GRIA4: variants seen among roughly 807,000 people sequenced by gnomAD.
The protein encoded by GRIA4 is glutamate ionotropic receptor AMPA type subunit 4, also known as glutamate receptor 4.
Under a neutral mutation model 104.0 loss-of-function variants are expected in GRIA4, and 34 were observed. The observed-to-expected ratio is 0.33, with a 90% CI of 0.25 to 0.44. The LOEUF is 0.44. Ranked by LOEUF, GRIA4 falls within the 20% of genes least tolerant of loss-of-function variation. The pLI, the probability that GRIA4 is intolerant of heterozygous loss-of-function variation, is 1.00. For missense variants in GRIA4, 750 were observed against 1,096.5 expected, an observed-to-expected ratio of 0.68 and a Z score of 4.46; for synonymous variants, 386 against 381.9, an observed-to-expected ratio of 1.01 and a Z score of -0.13.
intron 4 of GRIA4, among the ~76,000 whole-genome samples, chr11:105,776,148 G>A (rs1370635192): frequency 6.6e-6 from 1 of 151,910 alleles, no homozygotes; most frequent in African/African-American, 2.4e-5. Context: ...AGAGGCTAGG[G>A]GAGTTGCTAC....
At chr11:105,974,572 C>T (rs775018499) in intron 16 of GRIA4, 128 bp downstream of exon 16, 6 of 1,608,062 alleles carry the variant, frequency 3.7e-6, no homozygotes, top group East Asian at 4.5e-5. Context: ...GACTTAGGCC[C>T]GACTACAGTG....
chr11:105,624,871 T>A (rs1950845816), intron 3 of GRIA4, among the ~76,000 whole-genome samples: 1 of 152,146 alleles, frequency 6.6e-6, no homozygotes, highest in Admixed American at 6.6e-5. Context: ...TCATTGGTTT[T>A]ACATCTTTGA....
intron 4 of GRIA4, among the ~76,000 whole-genome samples, chr11:105,823,517 T>C (rs1404286764): frequency 3.3e-5 from 5 of 152,038 alleles, no homozygotes; most frequent in Non-Finnish European, 7.4e-5. Flanking sequence ...TTTTGCAGAA[T>C]TGAGTGGATA....
At chr11:105,757,316 G>A (rs571451709) in intron 4 of GRIA4, among the ~76,000 whole-genome samples, 26 of 152,170 alleles carry the variant, frequency 1.7e-4, no homozygotes, top group Admixed American at 4.6e-4. Context: ...CCACTGTCCC[G>A]CATTACAGAG....
intron 4 of GRIA4, among the ~76,000 whole-genome samples, chr11:105,793,264 C>A (rs1321543086): frequency 1.3e-5 from 2 of 152,136 alleles, no homozygotes; most frequent in Admixed American, 1.3e-4. Context: ...CACAAGTCTG[C>A]ACCATTTCCC....
chr11:105,919,358 C>A (rs1050990503), intron 11 of GRIA4, among the ~76,000 whole-genome samples: 5 of 152,066 alleles, frequency 3.3e-5, no homozygotes, highest in African/African-American at 9.7e-5. Flanking sequence ...TCATAGATAT[C>A]TTTTAAGTAA....
At chr11:105,695,719 C>T (rs1322003093) in intron 3 of GRIA4, among the ~76,000 whole-genome samples, 1 of 152,086 alleles carries the variant, frequency 6.6e-6, no homozygotes, top group Non-Finnish European at 1.5e-5. Flanking sequence ...TTGCTAAATG[C>T]CTGCTTCTTT....
At chr11:105,937,294 T>C (rs1437837925) in intron 14 of GRIA4, among the ~76,000 whole-genome samples, 1 of 152,188 alleles carries the variant, frequency 6.6e-6, no homozygotes, top group African/African-American at 2.4e-5. Context: ...ACAAGTTGAT[T>C]ATAATATAGA....
At chr11:105,702,627 C>A (rs1016250325) in intron 3 of GRIA4, among the ~76,000 whole-genome samples, 5 of 150,430 alleles carry the variant, frequency 3.3e-5, no homozygotes, top group African/African-American at 9.8e-5. Context: ...GTGCCAGACA[C>A]TCTTTTAAGC....
chr11:105,868,462 A>G (rs1235310292), intron 5 of GRIA4, among the ~76,000 whole-genome samples: 2 of 152,136 alleles, frequency 1.3e-5, no homozygotes, highest in Non-Finnish European at 2.9e-5. Flanking sequence ...ATTGTTACCA[A>G]TACATCCCCT....
chr11:105,888,659 G>A lies in GRIA4; in HGVS notation c.726+1087G>A, dbSNP rs201473348. ...TGAAACAGGAAAGAAACTAAAGGAT[G>A]CAAAAGAGATTCAGATCTACCCATT... is the stretch of plus-strand genomic sequence containing the variant. On this transcript the variant is annotated intron_variant, in intron 6 of 16. Coordinates refer to ENST00000282499, the MANE Select transcript of GRIA4 (RefSeq NM_000829.4). Among the ~76,000 whole-genome samples, 18 of 151,902 alleles carry A rather than the reference G, an allele frequency of 1.2e-4. No individual in the cohort carries two copies. The East Asian group carries it at 3.5e-3, about 30-fold the overall frequency.
chr11:105,735,063 A>T (rs764602249), intron 3 of GRIA4, among the ~76,000 whole-genome samples: 2 of 152,166 alleles, frequency 1.3e-5, no homozygotes, highest in Non-Finnish European at 2.9e-5. Flanking sequence ...GTATGTTCTC[A>T]GCCCCCAACA....
At chr11:105,673,421 C>T (rs1952436931) in intron 3 of GRIA4, among the ~76,000 whole-genome samples, 1 of 152,058 alleles carries the variant, frequency 6.6e-6, no homozygotes, top group Admixed American at 6.6e-5. Context: ...GAGCAAAGTG[C>T]TATAAATATG....
rs771981314 is a variant in GRIA4, at chr11:105,610,952, G to A, written c.-46G>A. 8.5e-7 allele frequency: 1 copy of A among 1,183,162 alleles called. No homozygotes were observed. Among genetic ancestry groups the A allele is most frequent in the Admixed American group, 1.7e-5 (1 of 58,284 alleles). The allele number at this position is 1,183,162 out of a possible 1,614,324, so 73.3% of individuals were successfully genotyped here. ...TCTCTGAACAGCCTTTAGGAAGAGT[G>A]CGAGAGAAAGAGAGAGAGCGCGCGC... On this transcript the variant is annotated 5_prime_UTR_variant, in exon 2 of 17. Transcript: ENST00000282499.
chr11:105,842,503 C>T (rs943583228), intron 4 of GRIA4, among the ~76,000 whole-genome samples: 3 of 151,990 alleles, frequency 2.0e-5, no homozygotes, highest in Admixed American at 2.0e-4. Context: ...GAGAAGTTTC[C>T]ATGTATATGT....
At chr11:105,630,254 C>T (rs1950998128) in intron 3 of GRIA4, among the ~76,000 whole-genome samples, 1 of 152,152 alleles carries the variant, frequency 6.6e-6, no homozygotes, top group African/African-American at 2.4e-5. Context: ...CAATGCCTGG[C>T]TTATAATAGC....
intron 4 of GRIA4, among the ~76,000 whole-genome samples, chr11:105,800,167 T>C (rs530563945): frequency 6.6e-6 from 1 of 152,160 alleles, no homozygotes; most frequent in Admixed American, 6.6e-5. Context: ...CTAGAGGCAA[T>C]TGGTCAGAGG....
chr11:105,879,798 T>C (rs559828255), intron 5 of GRIA4, among the ~76,000 whole-genome samples: 238 of 152,322 alleles, frequency 1.6e-3, no homozygotes, highest in Middle Eastern at 0.01. Context: ...TTATCTAATA[T>C]GATAGACAAT....
chr11:105,626,122 T>C (rs968667128), intron 3 of GRIA4, among the ~76,000 whole-genome samples: 16 of 152,072 alleles, frequency 1.1e-4, no homozygotes, highest in Non-Finnish European at 2.1e-4. Flanking sequence ...AAATAATTAA[T>C]TTGATCAAAT....
Sources: gnomAD v4.1 joint callset for allele counts (sites outside exome capture counted in the v4.1 genomes callset) on GRCh38, gnomAD v4.1.1 for gene constraint, MANE v1.5 for transcripts, NCBI Gene and HGNC (gene_info 2026-07-23, HGNC 2026-07-21) for gene names.